Variants in TAF11L11 observed in about 807,000 individuals in gnomAD.
The protein encoded by TAF11L11 is TATA-box-binding protein-associated factor 11-like protein 11.
At chr5:17,605,229 T>A (rs1226819048) in exon 1 of TAF11L11, 4 of 395,202 alleles carry the variant, frequency 1.0e-5, no homozygotes, top group Non-Finnish European at 1.8e-5. Context: ...AAGGTCTTTG[T>A]GGGAGAGGTG....
chr5:17,605,884 C>G (rs1482393151), downstream of TAF11L11, among the ~76,000 whole-genome samples: 1 of 151,366 alleles, frequency 6.6e-6, no homozygotes, highest in African/African-American at 2.4e-5. Context: ...TTCCAAACTG[C>G]AGAAATAAAA....
At chr5:17,605,232 G>A in exon 1 of TAF11L11, 1 of 395,538 alleles carries the variant, frequency 2.5e-6, no homozygotes, top group Non-Finnish European at 4.5e-6. Flanking sequence ...GTCTTTGTGG[G>A]AGAGGTGGTG....
In TAF11L11 at chr5:17,605,076, C is replaced by A. The variant is rs897608587; in HGVS notation, c.296C>A (p.Ser99Tyr). The change falls in exon 1 of 1, where the codon TCT becomes TAT. Residue 99 changes from serine to tyrosine, a missense_variant. By Grantham distance (144) the Ser-to-Tyr change is moderately radical. Coordinates refer to ENST00000510838, the Ensembl canonical transcript of TAF11L11. ...GCTCAGAGGATGACAACCCTGTTTTCTGCCATGTCTGAGGAGCAGCTATCT... is the reference window on the plus strand; with the variant it reads ...GCTCAGAGGATGACAACCCTGTTTTATGCCATGTCTGAGGAGCAGCTATCT... 20 of 394,476 alleles carry A rather than the reference C, an allele frequency of 5.1e-5. 1 individual carries two copies. Among genetic ancestry groups the A allele is most frequent in the Non-Finnish European group, 6.3e-5 (14 of 223,388 alleles). The allele number at this position is 394,476 out of a possible 1,614,324, so 24.4% of individuals were successfully genotyped here.
At chr5:17,605,266 A>G (rs72742645) in exon 1 of TAF11L11, 22 of 394,968 alleles carry the variant, frequency 5.6e-5, no homozygotes, top group Admixed American at 1.3e-4. Flanking sequence ...ACGTGTGCGA[A>G]ATGTGGGGAG....
downstream of TAF11L11, chr5:17,605,476 C>T (rs1739150282): frequency 5.2e-6 from 2 of 388,122 alleles, no homozygotes; most frequent in Non-Finnish European, 9.1e-6. Context: ...TTATCTCAGT[C>T]CACCCTGGAT....
downstream of TAF11L11, chr5:17,605,499 T>G (rs2126383438): frequency 2.6e-6 from 1 of 385,526 alleles, no homozygotes; most frequent in African/African-American, 2.1e-5. Flanking sequence ...ACCCACGATC[T>G]TAGTGTCTGA....
Position 17,605,072 on chromosome 5 carries a change from T to C in TAF11L11, c.292T>C (p.Phe98Leu), listed in dbSNP as rs942254520. Residue 98 changes from phenylalanine (F) to leucine (L), a missense_variant, in exon 1 of 1, where the codon TTT (phenylalanine) becomes CTT (leucine). By Grantham distance (22) the Phe-to-Leu change is conservative (BLOSUM62 0). Transcript: ENST00000510838. Reference sequence around the variant, plus strand: ...GGAGGCTCAGAGGATGACAACCCTGTTTTCTGCCATGTCTGAGGAGCAGCT... The same window carrying C: ...GGAGGCTCAGAGGATGACAACCCTGCTTTCTGCCATGTCTGAGGAGCAGCT... 1.1e-4 allele frequency: 45 copies of C among 394,306 alleles called. 1 individual carries two copies. Among genetic ancestry groups the C allele is most frequent in the Admixed American group, 2.2e-4 (5 of 22,444 alleles). The allele number at this position is 394,306 out of a possible 1,614,324, so 24.4% of individuals were successfully genotyped here.
downstream of TAF11L11, among the ~76,000 whole-genome samples, chr5:17,605,620 T>C (rs376023972): frequency 9.2e-5 from 14 of 151,480 alleles, no homozygotes; most frequent in East Asian, 7.8e-4. Context: ...TCTGTCTTTC[T>C]AGTTGGAAGA....
chr5:17,604,559 C>T (rs931840322), exon 1 of TAF11L11: 1 of 266,374 alleles, frequency 3.8e-6, no homozygotes, highest in East Asian at 6.8e-5. Context: ...ACTCTCCATC[C>T]ACAAGTTTCT....
chr5:17,604,746 C>A, exon 1 of TAF11L11: 1 of 379,342 alleles, frequency 2.6e-6, no homozygotes, highest in Admixed American at 4.5e-5. Context: ...TCTGCCTGTA[C>A]AGCTGCTGTC....
chr5:17,604,681 A>C, exon 1 of TAF11L11: 1 of 359,180 alleles, frequency 2.8e-6, no homozygotes. Flanking sequence ...CAGAAGCTAA[A>C]CTCTTTGAGA....
exon 1 of TAF11L11, chr5:17,605,133 C>T (rs1348241434): frequency 2.5e-6 from 1 of 395,334 alleles, no homozygotes; most frequent in Non-Finnish European, 4.5e-6. Context: ...TCAGCTTTCC[C>T]AAAAGCACGC....
chr5:17,605,108 G>T, the TAF11L11 span: 3 of 395,018 alleles, frequency 7.6e-6, no homozygotes, highest in Non-Finnish European at 8.9e-6. Context: ...ATCTCGCTAC[G>T]AAGTGTGTCG....
chr5:17,604,654 C>G (rs1399945371), exon 1 of TAF11L11: 2 of 345,316 alleles, frequency 5.8e-6, no homozygotes, highest in East Asian at 4.1e-5. Flanking sequence ...TATGGTTAAA[C>G]TGGCACAGCA....
At chr5:17,604,318 T>A (rs553682576) in exon 1 of TAF11L11, 1 of 151,912 alleles carries the variant, frequency 6.6e-6, no homozygotes, top group South Asian at 2.1e-4. Context: ...GGCCTAGGGC[T>A]CACAACCCTA....
At chr5:17,604,201 T>A (rs1739113407) in exon 1 of TAF11L11, 1 of 151,420 alleles carries the variant, frequency 6.6e-6, no homozygotes, top group African/African-American at 2.4e-5. Flanking sequence ...CTGTGGAGAT[T>A]CCCCCAGCAC....
chr5:17,604,709 C>A (rs1739129730), exon 1 of TAF11L11: 2 of 369,474 alleles, frequency 5.4e-6, no homozygotes, highest in Middle Eastern at 7.1e-4. Context: ...ATTGCAGATC[C>A]ATAATCGAAC....
Position 17,604,484 on chromosome 5 carries a change from T to C in TAF11L11, c.-297T>C, listed in dbSNP as rs80003269. 1.7e-5 allele frequency: 3 copies of C among 181,264 alleles called. No homozygotes were observed. Among genetic ancestry groups the C allele is most frequent in the East Asian group, 2.8e-4 (2 of 7,198 alleles). The allele number at this position is 181,264 out of a possible 1,614,324, so 11.2% of individuals were successfully genotyped here. ...CCTAGCAGAACTTCTGACCTGTGAGTTGGTGTTTGTTTTAAATATCCAAAA... is the reference window on the plus strand; with the variant it reads ...CCTAGCAGAACTTCTGACCTGTGAGCTGGTGTTTGTTTTAAATATCCAAAA... On this transcript the variant is annotated 5_prime_UTR_variant, in exon 1 of 1. Coordinates refer to ENST00000510838, the Ensembl canonical transcript of TAF11L11.
chr5:17,604,789 A>T (rs975992270), exon 1 of TAF11L11: 1 of 385,638 alleles, frequency 2.6e-6, no homozygotes, highest in East Asian at 3.6e-5. Flanking sequence ...CCATGGAGAC[A>T]GGCAGGCAAA....
Sources: allele counts gnomAD v4.1 joint callset (sites outside exome capture counted in the v4.1 genomes callset), GRCh38; gene constraint gnomAD v4.1.1; transcripts MANE v1.5; gene names NCBI Gene and HGNC (gene_info 2026-07-23, HGNC 2026-07-21).